ULK4: variants seen among roughly 807,000 people sequenced by gnomAD.
ULK4 encodes inactive serine/threonine-protein kinase ULK4.
A neutral mutation model predicts 160.6 loss-of-function variants in ULK4; 133 were observed. The ratio of observed to expected loss-of-function variants is 0.83; its 90% CI spans 0.72 to 0.96. ULK4 has a LOEUF of 0.96. ULK4 is among the 40% of genes least tolerant of loss of function. The pLI, the probability that ULK4 is intolerant of heterozygous loss-of-function variation, is 0.00. For missense variants in ULK4, 1,580 were observed against 1,499.5 expected, an observed-to-expected ratio of 1.05 and a Z score of -0.89; for synonymous variants, 534 against 539.8, an observed-to-expected ratio of 0.99 and a Z score of 0.15.
intron 12 of ULK4, among the ~76,000 whole-genome samples, chr3:41,905,112 A>G (rs1454818974): frequency 6.6e-6 from 1 of 152,264 alleles, no homozygotes; most frequent in Non-Finnish European, 1.5e-5. Flanking sequence ...ACAGTAATCA[A>G]GAGTGTGCCA....
In ULK4 at chr3:41,715,221, A is replaced by C. The variant is rs1559503642; in HGVS notation, c.2634+16T>G. ...CACAATTTTATTAGAAACAAGGAAAATTTCGTGTTACTCACAAGAATAGTT... is the reference window on the plus strand; with the variant it reads ...CACAATTTTATTAGAAACAAGGAAACTTTCGTGTTACTCACAAGAATAGTT... On this transcript the variant is annotated intron_variant, in intron 25 of 36. Coordinates refer to ENST00000301831, the MANE Select transcript of ULK4 (RefSeq NM_017886.4). 1 of 1,607,824 alleles carries C rather than the reference A, an allele frequency of 6.2e-7. No homozygotes were observed. Among genetic ancestry groups the C allele is most frequent in the Non-Finnish European group, 8.5e-7 (1 of 1,178,508 alleles).
At chr3:41,300,088 A>G (rs1044474673) in intron 35 of ULK4, among the ~76,000 whole-genome samples, 7 of 152,174 alleles carry the variant, frequency 4.6e-5, no homozygotes, top group Non-Finnish European at 2.9e-5. Flanking sequence ...GTTTCATCAC[A>G]CGCTTGCCAG....
intron 30 of ULK4, among the ~76,000 whole-genome samples, chr3:41,632,025 C>T (rs2033768563): frequency 6.6e-6 from 1 of 152,182 alleles, no homozygotes. Flanking sequence ...CAGCTGGCCA[C>T]CTTTCTCTAA....
At chr3:41,412,964 TGTA>T (rs776198866) in intron 34 of ULK4, among the ~76,000 whole-genome samples, 7 of 152,202 alleles carry the variant, frequency 4.6e-5, no homozygotes, top group Admixed American at 1.3e-4. Flanking sequence ...TAAAAGGCCT[TGTA>T]GTAGTCTGTT....
At chr3:41,791,188 G>T (rs1201424457) in intron 20 of ULK4, among the ~76,000 whole-genome samples, 1 of 152,178 alleles carries the variant, frequency 6.6e-6, no homozygotes, top group East Asian at 1.9e-4. Context: ...TAGAGACGGG[G>T]TTTCACCGTG....
Position 41,829,856 on chromosome 3 carries a change from T to C in ULK4, c.1764+6008A>G, listed in dbSNP as rs1396264386. On this transcript the variant is annotated intron_variant, in intron 18 of 36. Transcript: ENST00000301831. ...AAAGACACATGCACACGTATGTTTA[T>C]TGCGGCATTATTCACAATAGCAAAG... 1.1e-4 allele frequency among the ~76,000 whole-genome samples: 16 copies of C among 147,524 alleles called. No individual in the cohort carries two copies. The East Asian group carries it at 1.4e-3, about 13-fold the overall frequency.
At chr3:41,951,128 G>A (rs1700279991) in intron 2 of ULK4, among the ~76,000 whole-genome samples, 1 of 116,216 alleles carries the variant, frequency 8.6e-6, no homozygotes, top group Non-Finnish European at 1.6e-5. Flanking sequence ...CTGGAGGACA[G>A]AGCGAGGCTT....
intron 21 of ULK4, among the ~76,000 whole-genome samples, chr3:41,764,716 G>A (rs111636614): frequency 2.6e-5 from 4 of 152,266 alleles, no homozygotes; most frequent in African/African-American, 9.6e-5. Flanking sequence ...AGGAAGACCT[G>A]GCTTCAAATG....
At chr3:41,514,253 G>A (rs751367365) in intron 32 of ULK4, among the ~76,000 whole-genome samples, 4 of 152,136 alleles carry the variant, frequency 2.6e-5, no homozygotes, top group Admixed American at 6.5e-5. Context: ...AAAATAAACA[G>A]CCTTTTTGGG....
intron 5 of ULK4, among the ~76,000 whole-genome samples, chr3:41,921,539 C>A (rs1029006723): frequency 3.9e-5 from 6 of 152,018 alleles, no homozygotes; most frequent in Admixed American, 3.9e-4. Flanking sequence ...GGCATGAACC[C>A]AGGAGGCGGA....
intron 32 of ULK4, among the ~76,000 whole-genome samples, chr3:41,522,377 T>A (rs2125932697): frequency 6.6e-6 from 1 of 152,210 alleles, no homozygotes; most frequent in South Asian, 2.1e-4. Flanking sequence ...TGGCCTCAGG[T>A]TATCCACCAG....
At chr3:41,931,723 A>AT in intron 5 of ULK4, 121 bp downstream of exon 5, 1 of 1,228,602 alleles carries the variant, frequency 8.1e-7, no homozygotes, top group South Asian at 1.5e-5. Flanking sequence ...TCTGCTGGTC[A>AT]TTACCATTTT....
At chr3:41,415,271 C>T (rs889770122) in intron 34 of ULK4, among the ~76,000 whole-genome samples, 4 of 152,132 alleles carry the variant, frequency 2.6e-5, no homozygotes, top group South Asian at 4.1e-4. Flanking sequence ...AAGCTCTGGC[C>T]TGATCCTGTC....
intron 21 of ULK4, among the ~76,000 whole-genome samples, chr3:41,774,166 G>C (rs1165578128): frequency 6.6e-6 from 1 of 152,034 alleles, no homozygotes; most frequent in East Asian, 1.9e-4. Context: ...GCATGGGCAA[G>C]GACTTCATGT....
At chr3:41,952,818 A>C (rs1465556738) in intron 2 of ULK4, among the ~76,000 whole-genome samples, 1 of 152,252 alleles carries the variant, frequency 6.6e-6, no homozygotes, top group Non-Finnish European at 1.5e-5. Context: ...ACTTGTGTCC[A>C]CTGTTACATA....
chr3:41,927,888 C>T (rs1267669533), intron 5 of ULK4, among the ~76,000 whole-genome samples: 1 of 152,100 alleles, frequency 6.6e-6, no homozygotes, highest in Non-Finnish European at 1.5e-5. Context: ...GAGACATAGA[C>T]TCCCACACCA....
intron 33 of ULK4, among the ~76,000 whole-genome samples, chr3:41,460,073 G>A (rs1241922522): frequency 6.6e-6 from 1 of 152,296 alleles, no homozygotes; most frequent in South Asian, 2.1e-4. Flanking sequence ...ATAATTATAA[G>A]AGATGCTAAA....
At chr3:41,513,368 T>A (rs1258231460) in intron 32 of ULK4, among the ~76,000 whole-genome samples, 1 of 152,204 alleles carries the variant, frequency 6.6e-6, no homozygotes, top group Non-Finnish European at 1.5e-5. Flanking sequence ...CCAGGTGTGG[T>A]GGCTCACACC....
intron 30 of ULK4, among the ~76,000 whole-genome samples, chr3:41,620,730 A>G (rs2033203871): frequency 6.6e-6 from 1 of 152,002 alleles, no homozygotes; most frequent in Admixed American, 6.6e-5. Context: ...CTCTCTCACC[A>G]CTCCTATTCA....
Sources: gnomAD v4.1 joint callset for allele counts (sites outside exome capture counted in the v4.1 genomes callset) on GRCh38, gnomAD v4.1.1 for gene constraint, MANE v1.5 for transcripts, NCBI Gene and HGNC (gene_info 2026-07-23, HGNC 2026-07-21) for gene names.